Variants in UNC13D observed in about 807,000 individuals in gnomAD.
UNC13D encodes the protein unc-13 homolog D.
A neutral mutation model predicts 151.7 loss-of-function variants in UNC13D; 115 were observed. The observed-to-expected ratio is 0.76, with a 90% CI of 0.65 to 0.88. UNC13D has a LOEUF of 0.88. Ranked by LOEUF, UNC13D falls within the 40% of genes least tolerant of loss-of-function variation. The pLI, the probability that UNC13D is intolerant of heterozygous loss-of-function variation, is 0.00. For synonymous variants in UNC13D, 588 were observed against 612.2 expected, an observed-to-expected ratio of 0.96 and a Z score of 0.58; for missense variants, 1,369 against 1,438.7, an observed-to-expected ratio of 0.95 and a Z score of 0.78.
Position 75,835,523 on chromosome 17 carries a change from T to G in UNC13D, c.1734A>C (p.Gly578=), listed in dbSNP as rs1466505069. The part of the protein sequence containing the change: ...QLRMSSSERD[G]VLALDNFHRW... ...GGTGGAAATTATCCAGGGCCAGGAC[T>G]CCATCCCTGGGGATTGCCGGGGCTC... The change falls in exon 20 of 32, where the codon GGA becomes GGC. Residue 578 remains glycine, a synonymous_variant. Transcript: ENST00000207549. 14 of 1,604,862 alleles carry G rather than the reference T, an allele frequency of 8.7e-6. No homozygotes were observed. Among genetic ancestry groups the G allele is most frequent in the Non-Finnish European group, 1.2e-5 (14 of 1,175,940 alleles).
chr17:75,829,937 C>T, intron 30 of UNC13D, 91 bp downstream of exon 30: 1 of 1,543,896 alleles, frequency 6.5e-7, no homozygotes, highest in Non-Finnish European at 8.8e-7. Context: ...CTCAGGGGAG[C>T]CCCTTGGCCC....
chr17:75,832,936 AGC>A lies in UNC13D; in HGVS notation c.2447+28_2447+29del. 1 of 1,557,202 alleles carries A rather than the reference AGC, an allele frequency of 6.4e-7. No homozygotes were observed. The highest frequency in any genetic ancestry group is 8.7e-7 in the Non-Finnish European group (1 of 1,148,120). ...CGTGGGAGGAGAGGGGGAGGTGGCG[AGC>A]GCGCCCAGGGCAGGGGCTGCTACAG... On this transcript the variant is annotated intron_variant, in intron 25 of 31. Coordinates refer to ENST00000207549, the MANE Select transcript of UNC13D (RefSeq NM_199242.3). This position sits in a 1 kb window ranked among gnomAD's most constrained non-coding sequence, Gnocchi z 4.3.
At chr17:75,841,233 C>T (rs2064946992) in intron 6 of UNC13D, 2 of 492,944 alleles carry the variant, frequency 4.1e-6, no homozygotes, top group Non-Finnish European at 7.4e-6. Flanking sequence ...CAACCTCTGC[C>T]TCCTGGGTTC....
chr17:75,836,200 C>T lies in UNC13D; in HGVS notation c.1446G>A (p.Gln482=). Residue 482 remains glutamine, a splice_region_variant and synonymous_variant, in exon 16 of 32, where the codon CAG becomes CAA. Transcript: ENST00000207549. ...LKQQHHQPMV[Q]GIPEAGKALL... Reference sequence around the variant, plus strand: ...CCCTCCCCCTTGCCCAGCCCCTCACCTGCACCATGGGTTGATGGTGCTGCT... The same window carrying T: ...CCCTCCCCCTTGCCCAGCCCCTCACTTGCACCATGGGTTGATGGTGCTGCT... The T allele has an allele frequency of 6.2e-7, 1 of 1,611,004 alleles. No individual in the cohort carries two copies. Among genetic ancestry groups the T allele is most frequent in the Non-Finnish European group, 8.5e-7 (1 of 1,179,060 alleles).
chr17:75,842,718 A>C (rs2143899501), intron 5 of UNC13D, 105 bp from the exon 6 acceptor site: 1 of 1,598,150 alleles, frequency 6.3e-7, no homozygotes, highest in East Asian at 2.2e-5. Flanking sequence ...GGGGAGAGGG[A>C]AGGGGACCAG....
intron 31 of UNC13D, 139 bp downstream of exon 31, chr17:75,828,648 A>C: frequency 1.0e-6 from 1 of 966,254 alleles, no homozygotes; most frequent in Non-Finnish European, 1.4e-6. Context: ...GATTAGACCG[A>C]GAGATGGGCC....
Position 75,832,641 on chromosome 17 carries a change from C to A in UNC13D, c.2447+325G>T, listed in dbSNP as rs980764912. On this transcript the variant is annotated intron_variant, in intron 25 of 31. Transcript: ENST00000207549. The surrounding 1 kb of genome is among the most constrained non-coding windows in gnomAD (Gnocchi z 4.3). ...AAAGGACAGGTAGATTTTGGCTCAGCCTAAGGAAGAACTCAAAGCACTCAG... is the reference window on the plus strand; with the variant it reads ...AAAGGACAGGTAGATTTTGGCTCAGACTAAGGAAGAACTCAAAGCACTCAG... 7 of 289,978 alleles carry A rather than the reference C, an allele frequency of 2.4e-5. No homozygotes were observed. The highest frequency in any genetic ancestry group is 4.3e-5 in the African/African-American group (2 of 46,686). 18.0% of individuals were successfully genotyped at this position (289,978 alleles called of 1,614,324 possible).
intron 6 of UNC13D, among the ~76,000 whole-genome samples, chr17:75,842,228 C>T (rs2064954246): frequency 6.6e-6 from 1 of 152,212 alleles, no homozygotes; most frequent in Non-Finnish European, 1.5e-5. Flanking sequence ...CTTGCCCCAT[C>T]AGCACGTGTG....
Position 75,831,361 on chromosome 17 carries a change from C to CGGAGG in UNC13D, c.2448-18_2448-14dup, listed in dbSNP as rs1567817216. The CGGAGG allele has an allele frequency of 8.1e-6, 13 of 1,605,558 alleles. No individual in the cohort carries two copies. Among genetic ancestry groups the CGGAGG allele is most frequent in the Non-Finnish European group, 9.3e-6 (11 of 1,177,890 alleles). ...CAGGGTCAGGAGGCTGGGGCGGGGCCGGAGGGATGCGGACACAGCACGGCA... is the reference window on the plus strand; with the variant it reads ...CAGGGTCAGGAGGCTGGGGCGGGGCCGGAGGGGAGGGATGCGGACACAGCACGGCA... On this transcript the variant is annotated splice_polypyrimidine_tract_variant and intron_variant, in intron 25 of 31. Coordinates refer to ENST00000207549, the MANE Select transcript of UNC13D (RefSeq NM_199242.3).
intron 12 of UNC13D, 96 bp from the exon 13 acceptor site, chr17:75,837,014 C>T: frequency 9.3e-7 from 1 of 1,075,122 alleles, no homozygotes; most frequent in South Asian, 1.3e-5. Context: ...CTCCCATCCA[C>T]CAGTACAGGC....
chr17:75,832,875 C>T lies in UNC13D; in HGVS notation c.2447+91G>A, dbSNP rs2064881421. On this transcript the variant is annotated intron_variant, in intron 25 of 31. Coordinates refer to ENST00000207549, the MANE Select transcript of UNC13D (RefSeq NM_199242.3). The surrounding 1 kb of genome is among the most constrained non-coding windows in gnomAD (Gnocchi z 4.3). ...CGCCCAGGGCAGGGGCTGCTACACC[C>T]CTCAGAACGGATGCTGGGGCCCAGG... 7.4e-7 allele frequency: 1 copy of T among 1,345,824 alleles called. No homozygotes were observed. Among genetic ancestry groups the T allele is most frequent in the Non-Finnish European group, 1.0e-6 (1 of 965,216 alleles). 83.4% of individuals were successfully genotyped at this position (1,345,824 alleles called of 1,614,324 possible).
At chr17:75,838,728 A>C (rs1481290975) in intron 12 of UNC13D, among the ~76,000 whole-genome samples, 1 of 152,216 alleles carries the variant, frequency 6.6e-6, no homozygotes. Flanking sequence ...AGGACTCAGG[A>C]GACGAAAGCA....
rs111279039 is a variant in UNC13D at position 75,828,890 on chromosome 17, G to C, written c.3048C>G (p.Gly1016=). The part of the protein sequence containing the change: ...YDTLGADDLE[G]EAFLPLREVP... ...CCTCACGCAGCGGCAGGAAGGCCTC[G>C]CCTTCCAGGTCGTCGGCCCCCAGCG... Residue 1016 remains glycine, a synonymous_variant, in exon 31 of 32, where the codon GGC becomes GGG. Transcript: ENST00000207549. 3.1e-6 allele frequency: 5 copies of C among 1,605,770 alleles called. No individual in the cohort carries two copies. Among genetic ancestry groups the C allele is most frequent in the Non-Finnish European group, 4.2e-6 (5 of 1,179,096 alleles).
chr17:75,839,536 G>T (rs992054346), intron 12 of UNC13D, among the ~76,000 whole-genome samples: 1 of 152,016 alleles, frequency 6.6e-6, no homozygotes, highest in African/African-American at 2.4e-5. Context: ...TGGAAATGAG[G>T]TCTCACTCTG....
chr17:75,843,855 G>C, intron 1 of UNC13D: 1 of 1,373,190 alleles, frequency 7.3e-7, no homozygotes, highest in South Asian at 1.5e-5. Flanking sequence ...CGGAGGTGAG[G>C]GGGGTGCCAC....
In UNC13D at chr17:75,835,045, G is replaced by A; in HGVS notation, c.1867C>T (p.Leu623=). The A allele has an allele frequency of 6.2e-7, 1 of 1,613,968 alleles. No homozygotes were observed. The highest frequency in any genetic ancestry group is 8.5e-7 in the Non-Finnish European group (1 of 1,180,012). ...ACCGCTGATGTGCTGTGCTTGGTCA[G>A]TTCACCCAGGGGCACCAGCTGGGGG... is the stretch of plus-strand genomic sequence containing the variant. ...QMDELVPLGE[L]TKHSTSAVDL... The change falls in exon 21 of 32, where the codon CTG becomes TTG. Residue 623 remains leucine (L), a synonymous_variant. Transcript: ENST00000207549.
rs763408400 is a variant in UNC13D at position 75,834,701 on chromosome 17, C to G, written c.2008G>C (p.Ala670Pro). The G allele has an allele frequency of 6.8e-6, 11 of 1,613,668 alleles. No homozygotes were observed. Among genetic ancestry groups the G allele is most frequent in the Non-Finnish European group, 9.3e-6 (11 of 1,180,024 alleles). ...TTTATAAGGCTGCAGTACACCAGGG[C>G]CAGGCGACAGGTGTCCTAGGGTGGG... is the stretch of plus-strand genomic sequence containing the variant. ...VKFVEDTCRLALVYCSLIKAR... is the reference protein window; with the variant it reads ...VKFVEDTCRLPLVYCSLIKAR... The change falls in exon 22 of 32, where the codon GCC becomes CCC. Residue 670 changes from alanine (A) to proline (P), a missense_variant. Physicochemically the swap from Ala to Pro is conservative, Grantham distance 27. This residue lies in a region of UNC13D where 807 missense variants were observed against 795.5 expected (regional missense o/e 1.01). Coordinates refer to ENST00000207549, the MANE Select transcript of UNC13D (RefSeq NM_199242.3).
intron 12 of UNC13D, among the ~76,000 whole-genome samples, chr17:75,837,439 C>G (rs980614365): frequency 3.3e-5 from 5 of 151,622 alleles, no homozygotes; most frequent in African/African-American, 1.2e-4. Context: ...TTTAAAACTT[C>G]AGGATTTCTT....
Position 75,836,129 on chromosome 17 carries a change from CT to C in UNC13D, c.1447-21del, listed in dbSNP as rs751147539. ...GATGCCCTGCAGAGACAGAGGTGGGCTGGGCAGGGCTGCCAGAGGCAGGCAC... is the reference window on the plus strand; with the variant it reads ...GATGCCCTGCAGAGACAGAGGTGGGCGGGCAGGGCTGCCAGAGGCAGGCAC... On this transcript the variant is annotated intron_variant, in intron 16 of 31. Transcript: ENST00000207549. 5.0e-6 allele frequency: 8 copies of C among 1,612,720 alleles called. No individual in the cohort carries two copies. The South Asian group carries it at 8.8e-5, about 18-fold the overall frequency.
Sources: gnomAD v4.1 joint callset for allele counts (sites outside exome capture counted in the v4.1 genomes callset) on GRCh38, gnomAD v4.1.1 for gene constraint, gnomAD v4.1.1 regional missense constraint, Gnocchi (gnomAD v3.1) non-coding constraint, MANE v1.5 for transcripts, NCBI Gene and HGNC (gene_info 2026-07-23, HGNC 2026-07-21) for gene names.